The following DPP10 variants were observed in gnomAD, a reference collection of about 807,000 sequenced individuals.
DPP10 encodes the protein dipeptidyl peptidase like 10, also known as inactive dipeptidyl peptidase 10.
A neutral mutation model predicts 120.9 loss-of-function variants in DPP10; 33 were observed. That is an observed-to-expected ratio of 0.27 (90% CI 0.21 to 0.37). The LOEUF (loss-of-function observed/expected upper bound fraction) is 0.37, where lower values mean the gene tolerates loss of function less well. DPP10 is among the 10% of genes least tolerant of loss of function. The probability of loss-of-function intolerance (pLI) is 1.00; values close to 1 mark genes in which losing one functional copy is unlikely to be tolerated. For missense variants in DPP10, 816 were observed against 942.8 expected, an observed-to-expected ratio of 0.87 and a Z score of 1.76; for synonymous variants, 337 against 326.1, an observed-to-expected ratio of 1.03 and a Z score of -0.36.
Position 114,532,292 on chromosome 2 carries a change from TATATAC to T in DPP10, c.60+89456_60+89461del, listed in dbSNP as rs1243236293. ...ATATATATATATATATATATATATA[TATATAC>T]ACACACACACACACACACAGATACA... On this transcript the variant is annotated intron_variant, in intron 1 of 25. Transcript: ENST00000410059. 4.3e-4 allele frequency among the ~76,000 whole-genome samples: 29 copies of T among 67,382 alleles called. 1 individual carries two copies. The highest frequency in any genetic ancestry group is 1.2e-3 in the African/African-American group (21 of 17,024). 44.2% of individuals were successfully genotyped at this position (67,382 alleles called of 152,430 possible).
chr2:115,381,603 C>T (rs192433928), intron 3 of DPP10, among the ~76,000 whole-genome samples: 94 of 152,302 alleles, frequency 6.2e-4, no homozygotes, highest in African/African-American at 1.9e-3. Context: ...TGAGGAACTG[C>T]GTTCCTTTGG....
At chr2:114,828,767 A>T (rs910161096) in intron 1 of DPP10, 1 of 152,294 alleles carries the variant, frequency 6.6e-6, no homozygotes, top group South Asian at 2.1e-4. Flanking sequence ...TGAAGTGTCC[A>T]AGCAGGCAGG....
chr2:115,508,826 T>A (rs1159743985), intron 4 of DPP10, among the ~76,000 whole-genome samples: 1 of 152,108 alleles, frequency 6.6e-6, no homozygotes, highest in Non-Finnish European at 1.5e-5. Flanking sequence ...TTGCTTGAAC[T>A]TGGGAGGCGG....
chr2:114,661,152 A>T (rs1271529139), intron 1 of DPP10, among the ~76,000 whole-genome samples: 2 of 146,950 alleles, frequency 1.4e-5, no homozygotes, highest in Non-Finnish European at 3.1e-5. Flanking sequence ...AACAACAATT[A>T]AAAAAAAATC....
rs150198558 is a variant in DPP10 at position 115,372,616 on chromosome 2, C to T, written c.271+28704C>T. Among the ~76,000 whole-genome samples the T allele has an allele frequency of 4.2e-3, 643 of 152,230 alleles. 4 individuals are homozygous for T. The highest frequency in any genetic ancestry group is 0.012 in the South Asian group (59 of 4,818). ...TCACACACCCAGGCACCCTTACTTG[C>T]GGTAACTGGCTACTGATTCAGCAAC... On this transcript the variant is annotated intron_variant, in intron 3 of 25. Transcript: ENST00000410059.
intron 1 of DPP10, among the ~76,000 whole-genome samples, chr2:115,264,850 G>A (rs1040387794): frequency 1.3e-5 from 2 of 152,098 alleles, no homozygotes; most frequent in African/African-American, 2.4e-5. Context: ...TGTGAAAAGT[G>A]GGTACCAAGT....
intron 3 of DPP10, among the ~76,000 whole-genome samples, chr2:115,387,498 C>T (rs1031892070): frequency 1.3e-5 from 2 of 152,188 alleles, no homozygotes; most frequent in Admixed American, 1.3e-4. Context: ...TTCCTTTGAA[C>T]TCTGTTTTAG....
chr2:115,470,760 C>T (rs1256626246), intron 3 of DPP10, among the ~76,000 whole-genome samples: 2 of 152,108 alleles, frequency 1.3e-5, no homozygotes, highest in Non-Finnish European at 2.9e-5. Flanking sequence ...CCCCCAGTCT[C>T]AGTGAGATTT....
At chr2:114,934,655 C>T (rs922027385) in intron 1 of DPP10, among the ~76,000 whole-genome samples, 1 of 151,440 alleles carries the variant, frequency 6.6e-6, no homozygotes, top group Admixed American at 6.6e-5. Context: ...TGTATTAATT[C>T]GGTTTAGACT....
In DPP10 at chr2:115,162,225, G is replaced by A. The variant is rs778617201; in HGVS notation, c.61-147014G>A. ...AGCCTCTGCGTGCGCTCCGGGGCCC[G>A]GCGAGAGGATGCGCAAGGTGGAGAG... On this transcript the variant is annotated intron_variant, in intron 1 of 25. Transcript: ENST00000410059. 64 of 1,559,386 alleles carry A rather than the reference G, an allele frequency of 4.1e-5. 2 individuals are homozygous for A. In the South Asian group the frequency reaches 5.2e-4, roughly 13 times the overall value.
At chr2:115,482,286 TTA>T (rs903413419) in intron 3 of DPP10, among the ~76,000 whole-genome samples, 1,758 of 142,418 alleles carry the variant, frequency 0.012, 26 homozygotes, top group African/African-American at 0.041. Context: ...TGTTATAAGA[TTA>T]TATATATATA....
intron 1 of DPP10, among the ~76,000 whole-genome samples, chr2:114,823,276 A>G (rs1686249921): frequency 6.6e-6 from 1 of 152,076 alleles, no homozygotes. Flanking sequence ...ACAAAACGGG[A>G]AGCCCTTTGT....
chr2:114,754,310 T>C (rs543235162), intron 1 of DPP10, among the ~76,000 whole-genome samples: 1 of 152,320 alleles, frequency 6.6e-6, no homozygotes, highest in African/African-American at 2.4e-5. Context: ...GTTCTTGTCC[T>C]GAGCCAATCA....
chr2:114,787,589 C>G (rs1377403714), intron 1 of DPP10, among the ~76,000 whole-genome samples: 3 of 152,180 alleles, frequency 2.0e-5, no homozygotes, highest in African/African-American at 7.2e-5. Flanking sequence ...CTCTCTAAAG[C>G]AATGAAGCTG....
chr2:115,286,521 T>C (rs2060396361), intron 1 of DPP10, among the ~76,000 whole-genome samples: 1 of 43,494 alleles, frequency 2.3e-5, no homozygotes, highest in Non-Finnish European at 5.4e-5. Flanking sequence ...ATAATATATA[T>C]ATATAATATA....
At chr2:115,715,827 G>C (rs2092475538) in intron 7 of DPP10, among the ~76,000 whole-genome samples, 1 of 152,076 alleles carries the variant, frequency 6.6e-6, no homozygotes, top group South Asian at 2.1e-4. Flanking sequence ...TTCTTTAAAT[G>C]ATATGAAACT....
chr2:115,386,504 G>A (rs1041790417), intron 3 of DPP10, among the ~76,000 whole-genome samples: 2 of 151,450 alleles, frequency 1.3e-5, no homozygotes, highest in African/African-American at 4.9e-5. Flanking sequence ...CAAAAGAAAA[G>A]GATTTTGAGC....
chr2:115,575,364 G>C (rs1038832923), intron 5 of DPP10, among the ~76,000 whole-genome samples: 2 of 152,174 alleles, frequency 1.3e-5, no homozygotes, highest in African/African-American at 4.8e-5. Context: ...AATTTGAAAA[G>C]GATTTCAAGT....
chr2:114,574,930 A>G (rs1689942769), intron 1 of DPP10, among the ~76,000 whole-genome samples: 1 of 152,152 alleles, frequency 6.6e-6, no homozygotes, highest in African/African-American at 2.4e-5. Flanking sequence ...CTCTTAAGTA[A>G]GGCAATGGAA....
Sources: gnomAD v4.1 joint callset for allele counts (sites outside exome capture counted in the v4.1 genomes callset) on GRCh38, gnomAD v4.1.1 for gene constraint, MANE v1.5 for transcripts, NCBI Gene and HGNC (gene_info 2026-07-23, HGNC 2026-07-21) for gene names.